PLOD1: variants seen among roughly 807,000 people sequenced by gnomAD.
The protein encoded by PLOD1 is lysine hydroxylase.
A neutral mutation model predicts 94.7 loss-of-function variants in PLOD1; 70 were observed. The observed-to-expected ratio is 0.74, with a 90% CI of 0.61 to 0.90. The LOEUF (loss-of-function observed/expected upper bound fraction) is 0.90, where lower values mean the gene tolerates loss of function less well. Among genes scored for constraint, PLOD1 ranks in the 40% least tolerant of loss-of-function variants. The pLI is 0.00. For synonymous variants in PLOD1, 417 were observed against 400.2 expected, an observed-to-expected ratio of 1.04 and a Z score of -0.50; for missense variants, 905 against 972.7, an observed-to-expected ratio of 0.93 and a Z score of 0.93.
rs1645757845 is a variant in PLOD1 at position 11,958,778 on chromosome 1, C to G, written c.975+131C>G. 7 of 1,041,850 alleles carry G rather than the reference C, an allele frequency of 6.7e-6. No homozygotes were observed. In the Middle Eastern group the frequency reaches 7.9e-4, roughly 118 times the overall value. 64.5% of individuals were successfully genotyped at this position (1,041,850 alleles called of 1,614,324 possible). ...GGGCCAAATGACAATCACCAGTGGA[C>G]TGTGTCCCCAAATCACTGAGTTAAC... On this transcript the variant is annotated intron_variant, in intron 9 of 18. Coordinates refer to ENST00000196061, the MANE Select transcript of PLOD1 (RefSeq NM_000302.4). The surrounding 1 kb of genome is among the most constrained non-coding windows in gnomAD (Gnocchi z 4.3).
rs1288844414 is a variant in PLOD1 at position 11,975,220 on chromosome 1, G to A, written c.*412G>A. 3.4e-6 allele frequency: 1 copy of A among 297,354 alleles called. No homozygotes were observed. Among genetic ancestry groups the A allele is most frequent in the Admixed American group, 4.4e-5 (1 of 22,682 alleles). The allele number at this position is 297,354 out of a possible 1,614,324, so 18.4% of individuals were successfully genotyped here. On this transcript the variant is annotated 3_prime_UTR_variant, in exon 19 of 19. Coordinates refer to ENST00000196061, the MANE Select transcript of PLOD1 (RefSeq NM_000302.4). Reference sequence around the variant, plus strand: ...ATGGCCAGAGCTTCTCCCAGGCACAGGTGTTGCACCAGGGACTTCTGCTTC... The same window carrying A: ...ATGGCCAGAGCTTCTCCCAGGCACAAGTGTTGCACCAGGGACTTCTGCTTC...
Position 11,974,907 on chromosome 1 carries a change from C to G in PLOD1, c.*99C>G. ...GGTCCCAGGGAACCCAGTCCAGCCT[C>G]CTGGCTGTTGACTTCCCATTGCTCT... On this transcript the variant is annotated 3_prime_UTR_variant, in exon 19 of 19. Coordinates refer to ENST00000196061, the MANE Select transcript of PLOD1 (RefSeq NM_000302.4). The G allele has an allele frequency of 8.5e-7, 1 of 1,179,514 alleles. No homozygotes were observed. Among genetic ancestry groups the G allele is most frequent in the Non-Finnish European group, 1.3e-6 (1 of 784,280 alleles). 73.1% of individuals were successfully genotyped at this position (1,179,514 alleles called of 1,614,324 possible).
chr1:11,959,986 A>G (rs1200894372), intron 9 of PLOD1, among the ~76,000 whole-genome samples: 2 of 147,220 alleles, frequency 1.4e-5, no homozygotes, highest in Non-Finnish European at 3.0e-5. Context: ...CTAGAGTGCA[A>G]TGGTGCGATC....
At position 11,960,919 on chromosome 1, in the gene PLOD1, G is replaced by A. The variant is rs1317249668; in HGVS notation, c.1097+152G>A. 8.2e-6 allele frequency: 10 copies of A among 1,215,478 alleles called. 1 individual carries two copies. The highest frequency in any genetic ancestry group is 1.5e-5 in the African/African-American group (1 of 66,894). The allele number at this position is 1,215,478 out of a possible 1,614,324, so 75.3% of individuals were successfully genotyped here. A position where few individuals can be genotyped will look rare whatever the true frequency, so the allele number is the denominator to read the frequency against. On this transcript the variant is annotated intron_variant, in intron 10 of 18. Transcript: ENST00000196061. ...TTTCTGGGCCTTGGAGTTTCCATCT[G>A]TCAAAAGGGGAAATAGCCTCTGTCC...
intron 5 of PLOD1, chr1:11,954,451 A>C (rs1393651090): frequency 6.3e-6 from 3 of 475,494 alleles, no homozygotes; most frequent in Non-Finnish European, 1.3e-5. Flanking sequence ...GTGCCATTGC[A>C]CTCCAGCCTG....
intron 6 of PLOD1, among the ~76,000 whole-genome samples, chr1:11,956,475 T>G (rs1463839931): frequency 6.6e-6 from 1 of 152,210 alleles, no homozygotes; most frequent in East Asian, 1.9e-4. Context: ...TCTGTCCTGA[T>G]CATGCCCAGG....
Position 11,958,670 on chromosome 1 carries a change from G to T in PLOD1, c.975+23G>T, listed in dbSNP as rs765894813. The stretch of plus-strand genomic sequence containing the variant: ...CACGTGAGTAACAGGCGCTCTGTGG[G>T]GTCGTCATGTGGCTTAGATCCAGGG... On this transcript the variant is annotated intron_variant, in intron 9 of 18. Coordinates refer to ENST00000196061, the MANE Select transcript of PLOD1 (RefSeq NM_000302.4). This position sits in a 1 kb window ranked among gnomAD's most constrained non-coding sequence, Gnocchi z 4.3. The T allele has an allele frequency of 6.2e-7, 1 of 1,613,784 alleles. No individual in the cohort carries two copies.
At position 11,934,801 on chromosome 1, in the gene PLOD1, G is replaced by A. The variant is rs1413519739; in HGVS notation, c.22G>A (p.Ala8Thr). Residue 8 changes from alanine to threonine, a missense_variant, in exon 1 of 19, where the codon GCC (alanine) becomes ACC (threonine). Coordinates refer to ENST00000196061, the MANE Select transcript of PLOD1 (RefSeq NM_000302.4). ...GGCCATGCGGCCCCTGCTGCTACTGGCCCTGCTGGGCTGGCTGCTGCTGGC... is the reference window on the plus strand; with the variant it reads ...GGCCATGCGGCCCCTGCTGCTACTGACCCTGCTGGGCTGGCTGCTGCTGGC... MRPLLLL[A>T]LLGWLLLAEA... 6.5e-6 allele frequency: 10 copies of A among 1,540,372 alleles called. No homozygotes were observed. The highest frequency in any genetic ancestry group is 8.7e-6 in the Non-Finnish European group (10 of 1,145,990).
rs1645692633 is a variant in PLOD1, at chr1:11,950,483, G to A, written c.429G>A (p.Pro143=). The change falls in exon 4 of 19, where the codon CCG becomes CCA. Residue 143 remains proline, a synonymous_variant. Transcript: ENST00000196061. ...ACCGCAGGCTGGAGACCAAGTATCC[G>A]GTGGTGTCCGATGGCAAGAGGTTCC... ...YPDRRLETKY[P]VVSDGKRFLG... is the part of the protein sequence containing the mutation. 5.6e-6 allele frequency: 9 copies of A among 1,614,156 alleles called. No homozygotes were observed. Among genetic ancestry groups the A allele is most frequent in the Middle Eastern group, 1.7e-4 (1 of 6,036 alleles).
rs547003063 is a variant in PLOD1 at position 11,943,103 on chromosome 1, C to T, written c.77-4873C>T. ...CTGGGTTCAAGCAGTTCTCTGCCTCCACCTCCCGAGTAGCTGGGATTACAG... is the reference window on the plus strand; with the variant it reads ...CTGGGTTCAAGCAGTTCTCTGCCTCTACCTCCCGAGTAGCTGGGATTACAG... On this transcript the variant is annotated intron_variant, in intron 1 of 18. Coordinates refer to ENST00000196061, the MANE Select transcript of PLOD1 (RefSeq NM_000302.4). 6.6e-5 allele frequency among the ~76,000 whole-genome samples: 10 copies of T among 152,220 alleles called. No homozygotes were observed. The South Asian group carries it at 2.1e-3, about 32-fold the overall frequency.
At chr1:11,956,192 T>C (rs1327493475) in intron 6 of PLOD1, among the ~76,000 whole-genome samples, 2 of 151,982 alleles carry the variant, frequency 1.3e-5, no homozygotes, top group East Asian at 3.9e-4. Flanking sequence ...AAGACCAGCC[T>C]GACCAACATG....
At position 11,963,611 on chromosome 1, in the gene PLOD1, C is replaced by T. The variant is rs1421070407; in HGVS notation, c.1177C>T (p.Leu393=). 6.3e-7 allele frequency: 1 copy of T among 1,598,294 alleles called. No homozygotes were observed. Among genetic ancestry groups the T allele is most frequent in the Non-Finnish European group, 8.5e-7 (1 of 1,173,108 alleles). ...CGTGGCCCTGACCGAGCCCAACAGC[C>T]TGCGGCTGCTGATCCAACAGAACAA... ...ADVALTEPNS[L]RLLIQQNKNV... The change falls in exon 11 of 19, where the codon CTG becomes TTG. Residue 393 remains leucine (L), a synonymous_variant. Coordinates refer to ENST00000196061, the MANE Select transcript of PLOD1 (RefSeq NM_000302.4). The surrounding 1 kb of genome is among the most constrained non-coding windows in gnomAD (Gnocchi z 4.3).
intron 3 of PLOD1, 96 bp downstream of exon 3, chr1:11,950,002 G>A: frequency 7.7e-7 from 1 of 1,290,730 alleles, no homozygotes; most frequent in Non-Finnish European, 1.1e-6. Flanking sequence ...GAAGAAGGGG[G>A]ACCACTCTAG....
At chr1:11,948,616 G>C (rs975112679) in intron 2 of PLOD1, among the ~76,000 whole-genome samples, 3 of 152,126 alleles carry the variant, frequency 2.0e-5, no homozygotes, top group Non-Finnish European at 4.4e-5. Flanking sequence ...TGTAATCCCA[G>C]CTGCTTAGGA....
Position 11,970,711 on chromosome 1 carries a change from T to C in PLOD1, c.1797T>C (p.Ile599=), listed in dbSNP as rs1262109493. 6.2e-7 allele frequency: 1 copy of C among 1,613,034 alleles called. No homozygotes were observed. The highest frequency in any genetic ancestry group is 8.5e-7 in the Non-Finnish European group (1 of 1,179,882). ...GTGGCTACGAGAACGTGCCGACTAT[T>C]GACATCCACATGAACCAGATCGGCT... ...IQGGYENVPT[I]DIHMNQIGFE... is the part of the protein sequence containing the mutation. Residue 599 remains isoleucine, a synonymous_variant, in exon 17 of 19, where the codon ATT becomes ATC. Coordinates refer to ENST00000196061, the MANE Select transcript of PLOD1 (RefSeq NM_000302.4).
At chr1:11,960,583 C>T (rs1468032621) in intron 9 of PLOD1, 63 bp from the exon 10 acceptor site, 2 of 1,182,780 alleles carry the variant, frequency 1.7e-6, no homozygotes, top group Non-Finnish European at 1.3e-6. Context: ...GTGCTACAGT[C>T]CCTGGGTGGA....
chr1:11,952,793 A>G lies in PLOD1; in HGVS notation c.579+58A>G, dbSNP rs1045062265. On this transcript the variant is annotated intron_variant, in intron 5 of 18. Coordinates refer to ENST00000196061, the MANE Select transcript of PLOD1 (RefSeq NM_000302.4). ...GCTGGGGATCCACCGGCCAGGCTGC[A>G]CGGGAACAGCTCCTCTCAGGCCTGA... 5 of 1,237,218 alleles carry G rather than the reference A, an allele frequency of 4.0e-6. No individual in the cohort carries two copies. The African/African-American group carries it at 7.4e-5, about 18-fold the overall frequency. The allele number at this position is 1,237,218 out of a possible 1,614,324, so 76.6% of individuals were successfully genotyped here.
chr1:11,963,564 A>G lies in PLOD1; in HGVS notation c.1130A>G (p.Tyr377Cys), dbSNP rs754748178. The stretch of plus-strand genomic sequence containing the variant: ...TGCCGGCAGGACCGCAGCTGCACCT[A>G]CTACTTCAGCGTGGATGCTGACGTG... Reference protein sequence around the residue: ...DLCRQDRSCTYYFSVDADVAL... With the variant: ...DLCRQDRSCTCYFSVDADVAL... The change falls in exon 11 of 19, where the codon TAC becomes TGC. Residue 377 changes from tyrosine to cysteine, a missense_variant. Transcript: ENST00000196061. This position sits in a 1 kb window ranked among gnomAD's most constrained non-coding sequence, Gnocchi z 4.3. 1 of 1,604,254 alleles carries G rather than the reference A, an allele frequency of 6.2e-7. No homozygotes were observed. Among genetic ancestry groups the G allele is most frequent in the Non-Finnish European group, 8.5e-7 (1 of 1,176,170 alleles).
chr1:11,969,536 G>A (rs960347859), intron 16 of PLOD1, among the ~76,000 whole-genome samples: 5 of 152,150 alleles, frequency 3.3e-5, no homozygotes, highest in African/African-American at 9.7e-5. Context: ...GCCAGACCTC[G>A]GACCCCAGCT....
Sources: gnomAD v4.1 joint callset for allele counts (sites outside exome capture counted in the v4.1 genomes callset) on GRCh38, gnomAD v4.1.1 for gene constraint, Gnocchi (gnomAD v3.1) non-coding constraint, MANE v1.5 for transcripts, NCBI Gene and HGNC (gene_info 2026-07-23, HGNC 2026-07-21) for gene names.